The following COG5 variants were observed in gnomAD, a reference collection of about 807,000 sequenced individuals.
COG5 encodes conserved oligomeric Golgi complex subunit 5.
Under a neutral mutation model 110.4 loss-of-function variants are expected in COG5, and 86 were observed. That is an observed-to-expected ratio of 0.78 (90% CI 0.65 to 0.93). The LOEUF (loss-of-function observed/expected upper bound fraction) is 0.93, where lower values mean the gene tolerates loss of function less well. Among genes scored for constraint, COG5 ranks in the 40% least tolerant of loss-of-function variants. The pLI is 0.00. For synonymous variants in COG5, 360 were observed against 334.6 expected (o/e 1.08, Z -0.83); for missense variants, 1,077 against 987.0 (o/e 1.09, Z -1.22).
intron 12 of COG5, among the ~76,000 whole-genome samples, chr7:107,284,815 T>C (rs558360571): frequency 6.0e-4 from 91 of 152,352 alleles, no homozygotes; most frequent in Non-Finnish European, 1.1e-3. Context: ...CTATAATTAA[T>C]TGTCTTCTCA....
chr7:107,558,053 G>A lies in COG5; in HGVS notation c.157C>T (p.His53Tyr). 6.2e-7 allele frequency: 1 copy of A among 1,613,952 alleles called. No individual in the cohort carries two copies. Reference protein sequence around the residue: ...DVKTYTSQSIHQAVIAEQLAK... With the variant: ...DVKTYTSQSIYQAVIAEQLAK... ...AGTTGTTCAGCAATTACAGCTTGAT[G>A]AATAGATTGAGAAGTATAAGTCTTT... The change falls in exon 2 of 22, where the codon CAT becomes TAT. Residue 53 changes from histidine to tyrosine, a missense_variant. Transcript: ENST00000297135.
chr7:107,412,696 A>G, intron 6 of COG5, 64 bp from the exon 7 acceptor site: 1 of 1,027,392 alleles, frequency 9.7e-7, no homozygotes, highest in South Asian at 1.5e-5. Context: ...AAGGTATCAA[A>G]ATATGTATAA....
At chr7:107,512,853 G>A (rs1455571293) in intron 6 of COG5, among the ~76,000 whole-genome samples, 1 of 151,058 alleles carries the variant, frequency 6.6e-6, no homozygotes, top group Non-Finnish European at 1.5e-5. Context: ...TATGTAGAAA[G>A]CTGAAACTGG....
intron 19 of COG5, among the ~76,000 whole-genome samples, chr7:107,219,417 A>T (rs1422856496): frequency 6.6e-6 from 1 of 152,240 alleles, no homozygotes; most frequent in Admixed American, 6.5e-5. Context: ...ACGATAGCCA[A>T]GTTATGGAAT....
chr7:107,348,876 TAA>T (rs1811876091), intron 10 of COG5, among the ~76,000 whole-genome samples: 1 of 151,894 alleles, frequency 6.6e-6, no homozygotes, highest in South Asian at 2.1e-4. Context: ...TTTTTTTTTT[TAA>T]AGAGATAGGG....
intron 6 of COG5, among the ~76,000 whole-genome samples, chr7:107,488,094 G>A (rs1797758794): frequency 6.6e-6 from 1 of 151,864 alleles, no homozygotes; most frequent in South Asian, 2.1e-4. Flanking sequence ...ACCATTGAAA[G>A]CATTATGACA....
intron 8 of COG5, among the ~76,000 whole-genome samples, chr7:107,365,523 C>G (rs1341015443): frequency 1.5e-5 from 2 of 129,892 alleles, no homozygotes; most frequent in South Asian, 2.5e-4. Flanking sequence ...CACAAGCTAT[C>G]TAAGGATTCT....
chr7:107,506,751 C>T (rs1799041816), intron 6 of COG5, among the ~76,000 whole-genome samples: 1 of 152,120 alleles, frequency 6.6e-6, no homozygotes, highest in Non-Finnish European at 1.5e-5. Context: ...CAGGCCACGC[C>T]CCTCCCAGTT....
At chr7:107,433,723 A>G (rs1794178585) in intron 6 of COG5, among the ~76,000 whole-genome samples, 1 of 152,224 alleles carries the variant, frequency 6.6e-6, no homozygotes, top group South Asian at 2.1e-4. Context: ...TAAAACTCTT[A>G]GAAGAAGCAT....
chr7:107,263,163 T>G (rs112091814), intron 14 of COG5, among the ~76,000 whole-genome samples: 1 of 152,172 alleles, frequency 6.6e-6, no homozygotes, highest in African/African-American at 2.4e-5. Flanking sequence ...TTGTATAAAG[T>G]AGGCACCTCA....
intron 12 of COG5, among the ~76,000 whole-genome samples, chr7:107,294,936 C>T (rs1393832846): frequency 1.8e-5 from 2 of 113,568 alleles, no homozygotes; most frequent in African/African-American, 6.3e-5. Context: ...TATATACACA[C>T]ACACACACAC....
intron 6 of COG5, among the ~76,000 whole-genome samples, chr7:107,480,143 T>A (rs1797249401): frequency 6.6e-6 from 1 of 152,178 alleles, no homozygotes; most frequent in African/African-American, 2.4e-5. Context: ...CTTCAAACTG[T>A]ATTTCAAAAT....
intron 5 of COG5, among the ~76,000 whole-genome samples, chr7:107,538,753 G>GAA (rs34214783): frequency 7.1e-6 from 1 of 140,088 alleles, no homozygotes; most frequent in Non-Finnish European, 1.5e-5. Context: ...CCCAAGAATT[G>GAA]AAAAAAAAAA....
At chr7:107,311,109 C>T (rs1359391824) in intron 11 of COG5, among the ~76,000 whole-genome samples, 1 of 152,126 alleles carries the variant, frequency 6.6e-6, no homozygotes, top group Non-Finnish European at 1.5e-5. Context: ...TTTGCCAGTG[C>T]ATCTATGCGA....
intron 11 of COG5, among the ~76,000 whole-genome samples, chr7:107,321,909 A>C (rs1258151508): frequency 6.6e-6 from 1 of 152,228 alleles, no homozygotes; most frequent in Non-Finnish European, 1.5e-5. Context: ...GGCACTGTTA[A>C]GAAAACAAAA....
At chr7:107,273,062 G>A (rs1489862771) in intron 14 of COG5, among the ~76,000 whole-genome samples, 1 of 152,142 alleles carries the variant, frequency 6.6e-6, no homozygotes, top group African/African-American at 2.4e-5. Context: ...AGTTACAGTT[G>A]CCCCATTAAT....
rs368994216 is a variant in COG5 at position 107,461,365 on chromosome 7, T to C, written c.539-48733A>G. Among the ~76,000 whole-genome samples, 5 of 148,826 alleles carry C rather than the reference T, an allele frequency of 3.4e-5. No individual in the cohort carries two copies. In the East Asian group the frequency reaches 9.9e-4, roughly 29 times the overall value. ...ATGAACCCTCATTAAATGGAAAAAA[T>C]CTTAAATAATGTAATATGCATTCCT... On this transcript the variant is annotated intron_variant, in intron 6 of 21. Coordinates refer to ENST00000297135, the MANE Select transcript of COG5 (RefSeq NM_006348.5).
At chr7:107,396,642 TGAG>T (rs1791036513) in intron 7 of COG5, among the ~76,000 whole-genome samples, 1 of 151,544 alleles carries the variant, frequency 6.6e-6, no homozygotes, top group Non-Finnish European at 1.5e-5. Context: ...CCTAAAAAAA[TGAG>T]GAAGAGAGTA....
At chr7:107,456,253 G>T (rs934574726) in intron 6 of COG5, among the ~76,000 whole-genome samples, 12 of 152,122 alleles carry the variant, frequency 7.9e-5, no homozygotes, top group African/African-American at 2.9e-4. Flanking sequence ...ACCAGTAAAA[G>T]AAATGCCTCA....
Sources: gnomAD v4.1 joint callset for allele counts (sites outside exome capture counted in the v4.1 genomes callset) on GRCh38, gnomAD v4.1.1 for gene constraint, MANE v1.5 for transcripts, NCBI Gene and HGNC (gene_info 2026-07-23, HGNC 2026-07-21) for gene names.